DSCAM: variants seen among roughly 807,000 people sequenced by gnomAD.
The protein encoded by DSCAM is DS cell adhesion molecule.
DSCAM carries 47 observed loss-of-function variants against 217.7 expected under a neutral mutation model. That is an observed-to-expected ratio of 0.22 (90% CI 0.17 to 0.28). The LOEUF is 0.28. DSCAM is among the 10% of genes least tolerant of loss of function. The probability of loss-of-function intolerance (pLI) is 1.00; values close to 1 mark genes in which losing one functional copy is unlikely to be tolerated. For missense variants in DSCAM, 2,080 were observed against 2,618.3 expected (o/e 0.79, Z 4.49); for synonymous variants, 1,056 against 1,015.3 (o/e 1.04, Z -0.76).
intron 1 of DSCAM, among the ~76,000 whole-genome samples, chr21:40,714,561 T>C (rs773761338): frequency 1.2e-4 from 18 of 152,218 alleles, no homozygotes; most frequent in Non-Finnish European, 2.4e-4. Context: ...CCTGCCTCTT[T>C]CTCCTTTTTG....
intron 1 of DSCAM, among the ~76,000 whole-genome samples, chr21:40,797,385 C>G (rs1185104964): frequency 1.3e-5 from 2 of 152,168 alleles, no homozygotes; most frequent in East Asian, 3.9e-4. Context: ...TGAACCAGAA[C>G]ATCCAAGAAG....
intron 3 of DSCAM, among the ~76,000 whole-genome samples, chr21:40,405,900 G>A (rs993744783): frequency 6.6e-6 from 1 of 152,166 alleles, no homozygotes; most frequent in Non-Finnish European, 1.5e-5. Flanking sequence ...AAGAGGGCAA[G>A]GCATGAGAAT....
chr21:40,791,924 C>T (rs192387366), intron 1 of DSCAM, among the ~76,000 whole-genome samples: 273 of 152,064 alleles, frequency 1.8e-3, no homozygotes, highest in Non-Finnish European at 3.1e-3. Flanking sequence ...GAGATGGTGT[C>T]TTAGTTGGTC....
At chr21:40,786,919 A>C (rs2091599184) in intron 1 of DSCAM, among the ~76,000 whole-genome samples, 1 of 152,254 alleles carries the variant, frequency 6.6e-6, no homozygotes, top group African/African-American at 2.4e-5. Flanking sequence ...TCTGAAACTC[A>C]GAGAGGCTAA....
chr21:40,714,151 T>C (rs1188826934), intron 1 of DSCAM, among the ~76,000 whole-genome samples: 3 of 152,142 alleles, frequency 2.0e-5, no homozygotes, highest in South Asian at 2.1e-4. Flanking sequence ...AGACTTGTTT[T>C]AGAGGTGGAG....
At chr21:40,386,854 A>C (rs559135133) in intron 3 of DSCAM, among the ~76,000 whole-genome samples, 1 of 152,200 alleles carries the variant, frequency 6.6e-6, no homozygotes, top group East Asian at 1.9e-4. Context: ...CATCTAATGA[A>C]TTTTCTTTAG....
At chr21:40,507,890 G>A (rs765266391) in intron 3 of DSCAM, among the ~76,000 whole-genome samples, 3 of 152,046 alleles carry the variant, frequency 2.0e-5, no homozygotes, top group Non-Finnish European at 4.4e-5. Context: ...GTACCCCCTC[G>A]CCCCTCCACT....
At chr21:40,051,576 G>A (rs891778817) in intron 30 of DSCAM, among the ~76,000 whole-genome samples, 17 of 152,080 alleles carry the variant, frequency 1.1e-4, no homozygotes, top group South Asian at 2.1e-4. Flanking sequence ...CCTGCTTCAC[G>A]AGTAGGTATC....
intron 3 of DSCAM, among the ~76,000 whole-genome samples, chr21:40,553,587 C>T (rs1009296017): frequency 6.6e-6 from 1 of 152,210 alleles, no homozygotes; most frequent in African/African-American, 2.4e-5. Flanking sequence ...ATATCATTAA[C>T]CAAATATACC....
At chr21:40,239,692 T>G (rs939264333) in intron 11 of DSCAM, among the ~76,000 whole-genome samples, 2 of 152,180 alleles carry the variant, frequency 1.3e-5, no homozygotes, top group African/African-American at 4.8e-5. Flanking sequence ...AGGCTCAATA[T>G]GGCTTCTTCC....
chr21:40,342,645 TA>T (rs1245254251), intron 6 of DSCAM, among the ~76,000 whole-genome samples: 1,175 of 109,324 alleles, frequency 0.011, 22 homozygotes, highest in African/African-American at 0.037. Context: ...TATATATATA[TA>T]TATTTTTTTT....
At chr21:40,148,205 G>C (rs1198127014) in intron 16 of DSCAM, among the ~76,000 whole-genome samples, 2 of 151,554 alleles carry the variant, frequency 1.3e-5, no homozygotes, top group Admixed American at 6.6e-5. Flanking sequence ...TTTTTTTTCA[G>C]GGTGCTAATA....
intron 3 of DSCAM, among the ~76,000 whole-genome samples, chr21:40,507,566 G>A (rs141857026): frequency 3.9e-4 from 59 of 152,164 alleles, no homozygotes; most frequent in Middle Eastern, 6.8e-3. Context: ...TGAGGTGGGC[G>A]GATCACTCGA....
At chr21:40,517,823 T>C (rs2076315623) in intron 3 of DSCAM, among the ~76,000 whole-genome samples, 1 of 151,992 alleles carries the variant, frequency 6.6e-6, no homozygotes, top group Admixed American at 6.6e-5. Context: ...AAAGTGACAG[T>C]GCTGTGTCCC....
chr21:40,350,873 C>A (rs1453924142), intron 5 of DSCAM, among the ~76,000 whole-genome samples: 1 of 114,650 alleles, frequency 8.7e-6, no homozygotes, highest in African/African-American at 3.4e-5. Flanking sequence ...GCAAATAAGT[C>A]ATACTTTTTT....
intron 3 of DSCAM, among the ~76,000 whole-genome samples, chr21:40,503,107 C>T (rs999488142): frequency 1.3e-5 from 2 of 152,114 alleles, no homozygotes; most frequent in Admixed American, 1.3e-4. Context: ...TTCCTACTTC[C>T]CAACGTTACG....
intron 21 of DSCAM, among the ~76,000 whole-genome samples, chr21:40,090,478 C>T (rs1312150018): frequency 2.0e-5 from 3 of 152,146 alleles, no homozygotes; most frequent in African/African-American, 7.2e-5. Flanking sequence ...GGAAGGTCAC[C>T]ACGATCTTCC....
chr21:40,720,420 G>A (rs2090888970), intron 1 of DSCAM, among the ~76,000 whole-genome samples: 1 of 152,142 alleles, frequency 6.6e-6, no homozygotes, highest in Admixed American at 6.5e-5. Context: ...TAATGACTTG[G>A]AAAGCATTCC....
chr21:40,357,948 T>A lies in DSCAM; in HGVS notation c.656-4205A>T, dbSNP rs145145572. On this transcript the variant is annotated intron_variant, in intron 4 of 32. Transcript: ENST00000400454. ...AGATTTTAGTTACACTAGAGTGGAA[T>A]ATTGAAGATATTAGAAAGTACTATG... Among the ~76,000 whole-genome samples, 754 of 152,306 alleles carry A rather than the reference T, an allele frequency of 5.0e-3. 10 individuals carry two copies. Among genetic ancestry groups the A allele is most frequent in the African/African-American group, 0.017 (703 of 41,548 alleles).
Sources: gnomAD v4.1 joint callset for allele counts (sites outside exome capture counted in the v4.1 genomes callset) on GRCh38, gnomAD v4.1.1 for gene constraint, MANE v1.5 for transcripts, NCBI Gene and HGNC (gene_info 2026-07-23, HGNC 2026-07-21) for gene names.